Variants in RNF130 observed in about 807,000 individuals in gnomAD.
The protein encoded by RNF130 is E3 ubiquitin-protein ligase RNF130.
A neutral mutation model predicts 44.6 loss-of-function variants in RNF130; 21 were observed. The ratio of observed to expected loss-of-function variants is 0.47; its 90% confidence interval spans 0.33 to 0.68. RNF130 has a LOEUF of 0.68. Among genes scored for constraint, RNF130 ranks in the 30% least tolerant of loss-of-function variants. RNF130 has a pLI of 0.02. For synonymous variants in RNF130, 214 were observed against 210.4 expected (o/e 1.02, Z -0.15); for missense variants, 479 against 560.6 (o/e 0.85, Z 1.47).
intron 2 of RNF130, among the ~76,000 whole-genome samples, chr5:180,033,472 G>T (rs973273313): frequency 2.6e-5 from 4 of 152,078 alleles, no homozygotes; most frequent in Admixed American, 2.0e-4. Context: ...GCCTGTAATC[G>T]CAACACTTTG....
At chr5:180,005,518 T>C (rs1763446488) in intron 3 of RNF130, among the ~76,000 whole-genome samples, 1 of 152,216 alleles carries the variant, frequency 6.6e-6, no homozygotes, top group Non-Finnish European at 1.5e-5. Context: ...CTTCATAGTC[T>C]AGTGACAATT....
At chr5:180,052,627 T>C (rs1360787146) in intron 1 of RNF130, among the ~76,000 whole-genome samples, 1 of 152,174 alleles carries the variant, frequency 6.6e-6, no homozygotes, top group Non-Finnish European at 1.5e-5. Flanking sequence ...ATCTGGACCA[T>C]AATTTAAAAT....
intron 1 of RNF130, among the ~76,000 whole-genome samples, chr5:180,062,194 A>G (rs1261909462): frequency 1.3e-5 from 2 of 151,946 alleles, no homozygotes; most frequent in Non-Finnish European, 1.5e-5. Flanking sequence ...AGCTGGGACT[A>G]CAGGCACGCA....
chr5:179,948,046 G>A (rs1254269988), intron 7 of RNF130, among the ~76,000 whole-genome samples: 1 of 152,098 alleles, frequency 6.6e-6, no homozygotes, highest in African/African-American at 2.4e-5. Flanking sequence ...CAGGCTGGAG[G>A]GTATAAAGTA....
At chr5:180,003,753 G>C (rs769068991) in intron 3 of RNF130, among the ~76,000 whole-genome samples, 73 of 152,222 alleles carry the variant, frequency 4.8e-4, no homozygotes, top group Non-Finnish European at 9.6e-4. Flanking sequence ...CCTACGATGA[G>C]GTACAAAATT....
At chr5:179,914,044 C>T (rs1266007485) in exon 8 of RNF130, 1 of 152,246 alleles carries the variant, frequency 6.6e-6, no homozygotes, top group Non-Finnish European at 1.5e-5. Flanking sequence ...TCTCCCAGTC[C>T]TTCTGCAAGG....
chr5:179,999,704 G>A (rs1018325609), intron 3 of RNF130, among the ~76,000 whole-genome samples: 1 of 152,138 alleles, frequency 6.6e-6, no homozygotes, highest in African/African-American at 2.4e-5. Context: ...GCGAGCAAGC[G>A]AGACTCCGTC....
At chr5:180,008,578 A>C (rs1288082939) in intron 3 of RNF130, among the ~76,000 whole-genome samples, 1 of 152,160 alleles carries the variant, frequency 6.6e-6, no homozygotes, top group Non-Finnish European at 1.5e-5. Context: ...AGAAATCAGT[A>C]ACACTAAGAT....
chr5:179,968,077 C>T (rs1466517546), intron 6 of RNF130, among the ~76,000 whole-genome samples: 2 of 150,868 alleles, frequency 1.3e-5, no homozygotes, highest in South Asian at 4.2e-4. Context: ...GGGCAGATCA[C>T]GAGGTCAGGA....
At chr5:180,041,406 C>A (rs1475764313) in intron 1 of RNF130, among the ~76,000 whole-genome samples, 1 of 152,140 alleles carries the variant, frequency 6.6e-6, no homozygotes, top group Non-Finnish European at 1.5e-5. Context: ...GGCCACTGTT[C>A]TGGATTTTTT....
intron 1 of RNF130, among the ~76,000 whole-genome samples, chr5:180,048,866 C>T (rs1171569739): frequency 3.3e-5 from 5 of 152,144 alleles, no homozygotes; most frequent in Non-Finnish European, 5.9e-5. Flanking sequence ...ACAGAAAAAG[C>T]CAACCCTCCA....
intron 3 of RNF130, among the ~76,000 whole-genome samples, chr5:180,006,574 T>C (rs1763467201): frequency 6.6e-6 from 1 of 152,218 alleles, no homozygotes; most frequent in South Asian, 2.1e-4. Flanking sequence ...AGCACATGCA[T>C]TTTCACTGGG....
chr5:179,982,910 C>T (rs1762869980), intron 3 of RNF130, among the ~76,000 whole-genome samples: 2 of 152,116 alleles, frequency 1.3e-5, no homozygotes, highest in Admixed American at 6.6e-5. Context: ...TTGCATTTCC[C>T]TATTGTAATG....
exon 8 of RNF130, chr5:179,916,671 C>A (rs1761550763): frequency 6.6e-6 from 1 of 152,372 alleles, no homozygotes; most frequent in South Asian, 2.1e-4. Flanking sequence ...TGGGGCCTCT[C>A]TGCAAAAGCA....
At chr5:180,068,900 G>GT (rs1582238379) in intron 1 of RNF130, among the ~76,000 whole-genome samples, 1 of 152,156 alleles carries the variant, frequency 6.6e-6, no homozygotes, top group Non-Finnish European at 1.5e-5. Flanking sequence ...TCAACGTGCA[G>GT]TAAGTCCTCA....
At chr5:179,953,751 T>C (rs545758564), downstream of RNF130, among the ~76,000 whole-genome samples, 2 of 152,276 alleles carry the variant, frequency 1.3e-5, no homozygotes, top group South Asian at 4.1e-4. Context: ...AAAGGAAAAA[T>C]AAACATATTC....
chr5:180,053,899 G>A (rs1183577979), intron 1 of RNF130, among the ~76,000 whole-genome samples: 1 of 150,880 alleles, frequency 6.6e-6, no homozygotes, highest in Non-Finnish European at 1.5e-5. Context: ...GCACGATCTC[G>A]GCTCACTGCA....
intron 7 of RNF130, among the ~76,000 whole-genome samples, chr5:179,938,628 T>TA: frequency 6.6e-6 from 1 of 152,362 alleles, no homozygotes. Flanking sequence ...CTTTACATTT[T>TA]AAAACCTAAG....
At chr5:179,975,015 C>G (rs1327439356) in intron 5 of RNF130, among the ~76,000 whole-genome samples, 1 of 152,252 alleles carries the variant, frequency 6.6e-6, no homozygotes, top group African/African-American at 2.4e-5. Context: ...GTGAACACAC[C>G]TGCAGGTGCT....
Sources: gnomAD v4.1 joint callset for allele counts (sites outside exome capture counted in the v4.1 genomes callset) on GRCh38, gnomAD v4.1.1 for gene constraint, MANE v1.5 for transcripts, NCBI Gene and HGNC (gene_info 2026-07-23, HGNC 2026-07-21) for gene names.